NUTM2F: variants seen among roughly 807,000 people sequenced by gnomAD.
NUTM2F encodes the protein NUT family member 2F.
NUTM2F carries 22 observed loss-of-function variants against 43.3 expected under a neutral mutation model. The ratio of observed to expected loss-of-function variants is 0.51; its 90% CI spans 0.36 to 0.73. The LOEUF is 0.73. NUTM2F is among the 30% of genes least tolerant of loss of function. NUTM2F has a pLI of 0.00. For missense variants in NUTM2F, 488 were observed against 927.4 expected (o/e 0.53, Z 6.15); for synonymous variants, 202 against 389.0 (o/e 0.52, Z 5.66).
chr9:94,319,049 C>T lies in NUTM2F; in HGVS notation c.1687G>A (p.Gly563Ser). Residue 563 changes from glycine (G) to serine (S), a missense_variant, in exon 7 of 7, where the codon GGC (glycine) becomes AGC (serine). Physicochemically the swap from Gly to Ser is moderately conservative, Grantham distance 56 (BLOSUM62 0). Transcript: ENST00000253262. ...QTAAQDPQGQ[G>S]RVRTGMARSE... ...CTGGCCATGCCAGTGCGCACTCTGCCCTGTCCCTGAGGGTCCTGGGCAGCT... is the reference window on the plus strand; with the variant it reads ...CTGGCCATGCCAGTGCGCACTCTGCTCTGTCCCTGAGGGTCCTGGGCAGCT... 1 of 1,189,910 alleles carries T rather than the reference C, an allele frequency of 8.4e-7. No individual in the cohort carries two copies. Among genetic ancestry groups the T allele is most frequent in the East Asian group, 2.6e-5 (1 of 38,580 alleles). The allele number at this position is 1,189,910 out of a possible 1,614,324, so 73.7% of individuals were successfully genotyped here. A position where few individuals can be genotyped will look rare whatever the true frequency, so the allele number is the denominator to read the frequency against.
chr9:94,319,545 G>A, intron 6 of NUTM2F, 68 bp downstream of exon 6: 1 of 1,602,084 alleles, frequency 6.2e-7, no homozygotes, highest in Middle Eastern at 2.2e-4. Context: ...AGACAATCGG[G>A]TGGGCCTTGT....
rs765694451 is a variant in NUTM2F, at chr9:94,320,571, G to T, written c.1005C>A (p.Gly335=). 6.2e-7 allele frequency: 1 copy of T among 1,608,030 alleles called. No individual in the cohort carries two copies. Among genetic ancestry groups the T allele is most frequent in the Non-Finnish European group, 8.5e-7 (1 of 1,179,104 alleles). The change falls in exon 5 of 7, where the codon GGC becomes GGA. Residue 335 remains glycine, a synonymous_variant. Coordinates refer to ENST00000253262, the MANE Select transcript of NUTM2F (RefSeq NM_017561.2). The surrounding 1 kb of genome is among the most constrained non-coding windows in gnomAD (Gnocchi z 4.5). ...KQPVYLPSKD[G]PKAPTACLPP... is the part of the protein sequence containing the mutation. Reference sequence around the variant, plus strand: ...GCAGGCAGGCAGTCGGGGCCTTGGGGCCATCCTTGCTGGGAAGGTACACTG... The same window carrying T: ...GCAGGCAGGCAGTCGGGGCCTTGGGTCCATCCTTGCTGGGAAGGTACACTG...
chr9:94,322,125 C>T lies in NUTM2F; in HGVS notation c.842+76G>A, dbSNP rs576658094. 147 of 1,582,810 alleles carry T rather than the reference C, an allele frequency of 9.3e-5. 2 individuals carry two copies. In the African/African-American group the frequency reaches 1.4e-3, roughly 15 times the overall value. On this transcript the variant is annotated intron_variant, in intron 3 of 6. Transcript: ENST00000253262. ...CCTCCTCATGCTCCATGCTGAGAAGCCACCACGGCCACCGGGCCTCTGTCA... is the reference window on the plus strand; with the variant it reads ...CCTCCTCATGCTCCATGCTGAGAAGTCACCACGGCCACCGGGCCTCTGTCA...
chr9:94,325,914 C>A lies in NUTM2F; in HGVS notation c.37G>T (p.Gly13Cys), dbSNP rs367622915. ...SNGAYPVLGPGVTVNPGTSLS... is the reference protein window; with the variant it reads ...SNGAYPVLGPCVTVNPGTSLS... Reference sequence around the variant, plus strand: ...GAGGTGCCAGGGTTCACGGTCACGCCGGGTCCCAGCACTGGGTATGCTGTG... The same window carrying A: ...GAGGTGCCAGGGTTCACGGTCACGCAGGGTCCCAGCACTGGGTATGCTGTG... The change falls in exon 2 of 7, where the codon GGC becomes TGC. Residue 13 changes from glycine (G) to cysteine (C), a missense_variant. By Grantham distance (159) the Gly-to-Cys change is radical. Transcript: ENST00000253262. 1.3e-5 allele frequency: 21 copies of A among 1,611,654 alleles called. No individual in the cohort carries two copies. The highest frequency in any genetic ancestry group is 1.6e-5 in the Non-Finnish European group (19 of 1,179,810).
At chr9:94,326,858 G>A (rs1831457819) in intron 1 of NUTM2F, among the ~76,000 whole-genome samples, 1 of 151,748 alleles carries the variant, frequency 6.6e-6, no homozygotes, top group Non-Finnish European at 1.5e-5. Flanking sequence ...GCAAGTGATT[G>A]TCCTGGCACC....
chr9:94,320,699 T>C lies in NUTM2F; in HGVS notation c.983-106A>G. 1 of 1,371,614 alleles carries C rather than the reference T, an allele frequency of 7.3e-7. No homozygotes were observed. Among genetic ancestry groups the C allele is most frequent in the Non-Finnish European group, 9.8e-7 (1 of 1,024,008 alleles). The allele number at this position is 1,371,614 out of a possible 1,614,324, so 85.0% of individuals were successfully genotyped here. ...GGATGTGAAGTGGGTCCCAGCTGGG[T>C]CAGGACCACCTGAACCACAGCGCCC... On this transcript the variant is annotated intron_variant, in intron 4 of 6. Transcript: ENST00000253262. The surrounding 1 kb of genome is among the most constrained non-coding windows in gnomAD (Gnocchi z 4.5).
At chr9:94,321,287 A>T in intron 3 of NUTM2F, 55 bp from the exon 4 acceptor site, 1 of 1,544,746 alleles carries the variant, frequency 6.5e-7, no homozygotes. Flanking sequence ...CCCTCCCCCC[A>T]GGACCAGGCA....
Position 94,318,791 on chromosome 9 carries a change from G to C in NUTM2F, c.1945C>G (p.Leu649Val). The C allele has an allele frequency of 6.5e-7, 1 of 1,547,320 alleles. No individual in the cohort carries two copies. Residue 649 changes from leucine to valine, a missense_variant, in exon 7 of 7, where the codon CTG (leucine) becomes GTG (valine). By Grantham distance (32) the Leu-to-Val change is conservative (BLOSUM62 1). Coordinates refer to ENST00000253262, the MANE Select transcript of NUTM2F (RefSeq NM_017561.2). ...MVYVVGSHHRLRPWRLSQSPV... is the reference protein window; with the variant it reads ...MVYVVGSHHRVRPWRLSQSPV... ...CTCTGGGACAGCCTCCAGGGCCTCA[G>C]CCTGTGGTGGGAACCCACGACATAG... is the stretch of plus-strand genomic sequence containing the variant.
intron 2 of NUTM2F, among the ~76,000 whole-genome samples, chr9:94,324,268 TCAAA>T (rs1047670586): frequency 6.6e-5 from 10 of 151,170 alleles, no homozygotes; most frequent in East Asian, 4.0e-4. Flanking sequence ...AGACTCCATC[TCAAA>T]CAAACAAACA....
chr9:94,324,571 G>T (rs1480031962), intron 2 of NUTM2F, among the ~76,000 whole-genome samples: 1 of 150,494 alleles, frequency 6.6e-6, no homozygotes, highest in African/African-American at 2.4e-5. Flanking sequence ...CCTGAGGCAG[G>T]AGAATGACGT....
chr9:94,321,488 G>A (rs1383487774), intron 3 of NUTM2F, among the ~76,000 whole-genome samples: 2 of 147,578 alleles, frequency 1.4e-5, no homozygotes, highest in African/African-American at 2.5e-5. Flanking sequence ...GTCCAGGAGG[G>A]TCCCGGGAAC....
intron 2 of NUTM2F, among the ~76,000 whole-genome samples, 163 bp from the exon 3 acceptor site, chr9:94,322,492 G>T (rs1473714645): frequency 6.6e-6 from 1 of 152,124 alleles, no homozygotes; most frequent in African/African-American, 2.4e-5. Flanking sequence ...ACACCCCCAA[G>T]ATCCAACATC....
intron 2 of NUTM2F, among the ~76,000 whole-genome samples, chr9:94,323,947 G>C (rs977097017): frequency 2.6e-5 from 4 of 152,146 alleles, no homozygotes; most frequent in African/African-American, 9.7e-5. Flanking sequence ...CACTCAGTTC[G>C]AGGGAAGGCA....
chr9:94,321,334 C>G lies in NUTM2F; in HGVS notation c.843-102G>C, dbSNP rs571707947. Reference sequence around the variant, plus strand: ...CAGGGATGGGAGGGAGTGCCTCCGGCGGGCTGTCCAGGCCCTCACTGGGAC... The same window carrying G: ...CAGGGATGGGAGGGAGTGCCTCCGGGGGGCTGTCCAGGCCCTCACTGGGAC... On this transcript the variant is annotated intron_variant, in intron 3 of 6. Coordinates refer to ENST00000253262, the MANE Select transcript of NUTM2F (RefSeq NM_017561.2). 11 of 1,522,200 alleles carry G rather than the reference C, an allele frequency of 7.2e-6. No individual in the cohort carries two copies. The South Asian group carries it at 1.3e-4, about 19-fold the overall frequency. The allele number at this position is 1,522,200 out of a possible 1,614,324, so 94.3% of individuals were successfully genotyped here. A position where few individuals can be genotyped will look rare whatever the true frequency, so the allele number is the denominator to read the frequency against.
chr9:94,325,808 A>T lies in NUTM2F; in HGVS notation c.143T>A (p.Val48Asp). The T allele has an allele frequency of 1.2e-6, 2 of 1,612,082 alleles. No individual in the cohort carries two copies. The highest frequency in any genetic ancestry group is 1.7e-6 in the Non-Finnish European group (2 of 1,179,826). Residue 48 changes from valine to aspartate, a missense_variant, in exon 2 of 7, where the codon GTT becomes GAT. By Grantham distance (152) the Val-to-Asp change is radical. Transcript: ENST00000253262. ...AHRPPLVTAV[V>D]PPAGPLVLSA... ...GAGCACCAGAGGGCCGGCTGGAGGA[A>T]CCACTGCAGTCACGAGGGGCGGCCT...
chr9:94,323,905 C>A (rs1470370235), intron 2 of NUTM2F, among the ~76,000 whole-genome samples: 1 of 152,170 alleles, frequency 6.6e-6, no homozygotes. Flanking sequence ...GCTCCTCCCC[C>A]CAGCCCCATG....
In NUTM2F at chr9:94,320,624, G is replaced by A. The variant is rs561472030; in HGVS notation, c.983-31C>T. ...GCAGAGAGGGAGGAGGATGGGTGTG[G>A]TGAGGGCCGCTCCTCCTGCCTGCAC... On this transcript the variant is annotated intron_variant, in intron 4 of 6. Transcript: ENST00000253262. The surrounding 1 kb of genome is among the most constrained non-coding windows in gnomAD (Gnocchi z 4.5). 2.5e-4 allele frequency: 388 copies of A among 1,567,376 alleles called. 5 individuals carry two copies. The South Asian group carries it at 4.3e-3, about 17-fold the overall frequency.
intron 2 of NUTM2F, 97 bp downstream of exon 2, chr9:94,325,141 C>T (rs1319635412): frequency 4.2e-6 from 3 of 720,780 alleles, no homozygotes; most frequent in Non-Finnish European, 6.7e-6. Context: ...TCACAACCGC[C>T]CTGCAAGCTC....
At chr9:94,322,098 A>C (rs2118728130) in intron 3 of NUTM2F, 103 bp downstream of exon 3, 1 of 1,531,408 alleles carries the variant, frequency 6.5e-7, no homozygotes, top group East Asian at 2.3e-5. Flanking sequence ...GTTTGTCCAC[A>C]CCCTCCTCAT....
Sources: allele counts gnomAD v4.1 joint callset (sites outside exome capture counted in the v4.1 genomes callset), GRCh38; gene constraint gnomAD v4.1.1; non-coding constraint Gnocchi (gnomAD v3.1); transcripts MANE v1.5; gene names NCBI Gene and HGNC (gene_info 2026-07-23, HGNC 2026-07-21).